Variants in LIPA observed in about 807,000 individuals in gnomAD.
LIPA encodes the protein lipase A, lysosomal acid type, also known as lysosomal acid lipase/cholesteryl ester hydrolase.
LIPA carries 26 observed loss-of-function variants against 40.6 expected under a neutral mutation model. That is an observed-to-expected ratio of 0.64 (90% CI 0.47 to 0.89). The LOEUF (loss-of-function observed/expected upper bound fraction) is 0.89, where lower values mean the gene tolerates loss of function less well. Ranked by LOEUF, LIPA falls within the 40% of genes least tolerant of loss-of-function variation. The probability of loss-of-function intolerance (pLI) is 0.00; values close to 1 mark genes in which losing one functional copy is unlikely to be tolerated. For missense variants in LIPA, 455 were observed against 479.6 expected (o/e 0.95, Z 0.48); for synonymous variants, 188 against 168.4 (o/e 1.12, Z -0.90).
intron 1 of LIPA, among the ~76,000 whole-genome samples, chr10:89,279,855 T>G (rs911849694): frequency 6.6e-6 from 1 of 152,160 alleles, no homozygotes; most frequent in African/African-American, 2.4e-5. Context: ...ATTTAAGACA[T>G]GGTGTGAAGC....
intron 1 of LIPA, among the ~76,000 whole-genome samples, chr10:89,282,490 A>T (rs946735005): frequency 6.6e-6 from 1 of 151,934 alleles, no homozygotes; most frequent in African/African-American, 2.4e-5. Flanking sequence ...ATACAAAAAA[A>T]TTAGCCGGGC....
intron 3 of LIPA, among the ~76,000 whole-genome samples, chr10:89,230,460 A>C (rs6586176): frequency 0.58 from 88,337 of 151,898 alleles, 25,974 homozygotes; most frequent in African/African-American, 0.66. Flanking sequence ...GCGTGCACCA[A>C]CACACCCAGC....
chr10:89,387,759 A>G (rs1844220441), intron 2 of LIPA, among the ~76,000 whole-genome samples: 1 of 152,264 alleles, frequency 6.6e-6, no homozygotes, highest in Non-Finnish European at 1.5e-5. Context: ...AAAAGAAAAT[A>G]TAAAATAAAT....
At chr10:89,382,465 C>G (rs1844170360) in intron 2 of LIPA, among the ~76,000 whole-genome samples, 5 of 152,154 alleles carry the variant, frequency 3.3e-5, no homozygotes, top group Admixed American at 2.6e-4. Flanking sequence ...GGAAAAAAAC[C>G]CTTCTGGTCC....
At chr10:89,260,635 C>G (rs1271537859) in intron 1 of LIPA, among the ~76,000 whole-genome samples, 2 of 152,184 alleles carry the variant, frequency 1.3e-5, no homozygotes, top group African/African-American at 4.8e-5. Flanking sequence ...GCCTCAGAGT[C>G]TCACAGGCCT....
chr10:89,315,566 G>A (rs1187814638), intron 1 of LIPA, among the ~76,000 whole-genome samples: 1 of 138,956 alleles, frequency 7.2e-6, no homozygotes, highest in African/African-American at 2.8e-5. Flanking sequence ...TCATGGTTGG[G>A]AAGTATTATA....
chr10:89,239,617 T>G (rs1388618660), intron 3 of LIPA, among the ~76,000 whole-genome samples: 3 of 152,198 alleles, frequency 2.0e-5, no homozygotes, highest in African/African-American at 7.2e-5. Flanking sequence ...AACCGTTCCA[T>G]GCCTCAGAAT....
At chr10:89,361,380 A>C (rs573336886) in intron 2 of LIPA, among the ~76,000 whole-genome samples, 1 of 152,328 alleles carries the variant, frequency 6.6e-6, no homozygotes, top group South Asian at 2.1e-4. Context: ...TAAAACTAGA[A>C]ATGTTTATTT....
intron 1 of LIPA, among the ~76,000 whole-genome samples, chr10:89,316,271 C>T (rs956017446): frequency 3.3e-5 from 5 of 152,188 alleles, no homozygotes; most frequent in Admixed American, 1.3e-4. Flanking sequence ...GGCGGGGCAT[C>T]GCCTCACCCG....
chr10:89,250,924 T>C (rs551710722), intron 1 of LIPA, among the ~76,000 whole-genome samples: 15 of 152,208 alleles, frequency 9.9e-5, no homozygotes, highest in South Asian at 4.1e-4. Context: ...ATCTCAGTTA[T>C]TTAGACTTTG....
intron 3 of LIPA, among the ~76,000 whole-genome samples, chr10:89,231,123 T>A (rs1842836796): frequency 6.6e-6 from 1 of 151,998 alleles, no homozygotes; most frequent in Non-Finnish European, 1.5e-5. Flanking sequence ...AAAAGCAAAA[T>A]ACAAAATTAT....
chr10:89,391,687 AC>A (rs1158772333), intron 2 of LIPA, among the ~76,000 whole-genome samples: 2 of 151,636 alleles, frequency 1.3e-5, no homozygotes, highest in African/African-American at 4.9e-5. Flanking sequence ...ACACCACCAC[AC>A]CCAGCTAATT....
At chr10:89,292,988 A>G (rs1329254789) in intron 1 of LIPA, among the ~76,000 whole-genome samples, 1 of 152,090 alleles carries the variant, frequency 6.6e-6, no homozygotes, top group Non-Finnish European at 1.5e-5. Flanking sequence ...GAGGCACAGA[A>G]AGGTTTCTAA....
At chr10:89,248,462 T>A (rs1205819725) in intron 1 of LIPA, among the ~76,000 whole-genome samples, 1 of 116,838 alleles carries the variant, frequency 8.6e-6, no homozygotes, top group African/African-American at 4.3e-5. Context: ...ATTTATTTAT[T>A]TATTTATTTA....
At position 89,339,745 on chromosome 10, in the gene LIPA, T is replaced by G. The variant is rs536908646; in HGVS notation, c.-2+2866A>C. ...TGAAAAGCAACAATCCCATCAGCGC[T>G]ACTGCAACCTTCAGAAATATAATGG... On this transcript the variant is annotated intron_variant, in intron 1 of 5. Transcript: ENST00000282673. 4 of 1,614,224 alleles carry G rather than the reference T, an allele frequency of 2.5e-6. No individual in the cohort carries two copies. In the South Asian group the frequency reaches 4.4e-5, roughly 18 times the overall value.
chr10:89,361,480 C>T (rs889100519), intron 2 of LIPA, among the ~76,000 whole-genome samples: 15 of 152,284 alleles, frequency 9.9e-5, no homozygotes, highest in Admixed American at 7.2e-4. Flanking sequence ...AAGAGCTTCT[C>T]CTTGCCCCAG....
chr10:89,244,781 T>C (rs903913890), intron 3 of LIPA, among the ~76,000 whole-genome samples: 1 of 152,140 alleles, frequency 6.6e-6, no homozygotes, highest in Non-Finnish European at 1.5e-5. Context: ...ATATACTTTT[T>C]AAGCCAAAGC....
intron 1 of LIPA, among the ~76,000 whole-genome samples, chr10:89,328,487 A>G (rs1843620540): frequency 6.6e-6 from 1 of 151,944 alleles, no homozygotes; most frequent in Non-Finnish European, 1.5e-5. Flanking sequence ...ATTTTGTTTG[A>G]AAAGATTAAG....
At position 89,378,117 on chromosome 10, in the gene LIPA, C is replaced by T; in HGVS notation, c.61+34674G>A. ...CCTGAACCAAAGCACTACAGATCAC[C>T]TGCTATCTTCATAGCACCATGAGGT... On this transcript the variant is annotated intron_variant, in intron 2 of 8. Coordinates refer to the LIPA transcript ENST00000371837. The T allele has an allele frequency of 1.9e-6, 3 of 1,613,408 alleles. No homozygotes were observed. In the East Asian group the frequency reaches 6.7e-5, roughly 36 times the overall value.
Sources: allele counts gnomAD v4.1 joint callset (sites outside exome capture counted in the v4.1 genomes callset), GRCh38; gene constraint gnomAD v4.1.1; transcripts MANE v1.5; gene names NCBI Gene and HGNC (gene_info 2026-07-23, HGNC 2026-07-21).